Variants in PBX3 observed in about 807,000 individuals in gnomAD.
The protein encoded by PBX3 is pre-B-cell leukemia transcription factor 3.
A neutral mutation model predicts 48.5 loss-of-function variants in PBX3; 14 were observed. That is an observed-to-expected ratio of 0.29 (90% CI 0.19 to 0.45). The LOEUF (loss-of-function observed/expected upper bound fraction) is 0.45. Ranked by LOEUF, PBX3 falls within the 20% of genes least tolerant of loss-of-function variation. The pLI, the probability that PBX3 is intolerant of heterozygous loss-of-function variation, is 1.00. For synonymous variants in PBX3, 210 were observed against 200.3 expected (o/e 1.05, Z -0.41); for missense variants, 386 against 546.7 (o/e 0.71, Z 2.93).
chr9:125,757,560 G>A (rs950589391), intron 2 of PBX3, among the ~76,000 whole-genome samples: 51 of 151,964 alleles, frequency 3.4e-4, no homozygotes, highest in Admixed American at 2.7e-3. Flanking sequence ...AGTAATATTG[G>A]CATATTTTAT....
At chr9:125,854,987 T>C (rs1447905581) in intron 2 of PBX3, among the ~76,000 whole-genome samples, 1 of 152,200 alleles carries the variant, frequency 6.6e-6, no homozygotes, top group Admixed American at 6.5e-5. Flanking sequence ...ATAGTAGATA[T>C]TTTTATCATC....
chr9:125,805,621 T>C (rs1838104229), intron 2 of PBX3, among the ~76,000 whole-genome samples: 1 of 152,104 alleles, frequency 6.6e-6, no homozygotes, highest in Non-Finnish European at 1.5e-5. Flanking sequence ...TGTTTAGTAA[T>C]AGAACTTGGA....
intron 2 of PBX3, among the ~76,000 whole-genome samples, chr9:125,865,903 A>G (rs965255716): frequency 6.6e-6 from 1 of 152,180 alleles, no homozygotes; most frequent in Non-Finnish European, 1.5e-5. Context: ...GTAATGTGTC[A>G]GGACAAAGTG....
chr9:125,846,956 G>A lies in PBX3; in HGVS notation c.275-68730G>A, dbSNP rs551918909. Among the ~76,000 whole-genome samples the A allele has an allele frequency of 2.6e-5, 4 of 151,530 alleles. No individual in the cohort carries two copies. The South Asian group carries it at 6.2e-4, about 24-fold the overall frequency. On this transcript the variant is annotated intron_variant, in intron 2 of 8. Coordinates refer to ENST00000373489, the MANE Select transcript of PBX3 (RefSeq NM_006195.6). ...TTGAAAAAATTGGGTTGCTTGTCCTGTAAGTTCCCAGTCTGTATTTTGCTG... is the reference window on the plus strand; with the variant it reads ...TTGAAAAAATTGGGTTGCTTGTCCTATAAGTTCCCAGTCTGTATTTTGCTG...
intron 2 of PBX3, among the ~76,000 whole-genome samples, chr9:125,820,517 AT>A (rs1231799717): frequency 2.0e-5 from 3 of 152,364 alleles, no homozygotes; most frequent in African/African-American, 7.2e-5. Context: ...GCATTGAAGA[AT>A]TTCATATTGT....
At chr9:125,747,776 AG>A (rs1196134476) in intron 1 of PBX3, 123 bp downstream of exon 1, 1 of 699,236 alleles carries the variant, frequency 1.4e-6, no homozygotes, top group Non-Finnish European at 2.1e-6. Context: ...TTTCTCCGAA[AG>A]CCGGCCGCCC....
At chr9:125,834,937 A>C (rs2132206022) in intron 2 of PBX3, among the ~76,000 whole-genome samples, 1 of 141,266 alleles carries the variant, frequency 7.1e-6, no homozygotes, top group South Asian at 2.3e-4. Flanking sequence ...GAATCGCTTG[A>C]ATCTGGGAGG....
intron 2 of PBX3, among the ~76,000 whole-genome samples, chr9:125,778,540 A>T (rs1837141045): frequency 6.6e-6 from 1 of 151,484 alleles, no homozygotes; most frequent in Admixed American, 6.6e-5. Flanking sequence ...TACAGGCGTG[A>T]GCCACTGCGC....
chr9:125,815,469 T>C (rs1467391297), intron 2 of PBX3, among the ~76,000 whole-genome samples: 1 of 152,200 alleles, frequency 6.6e-6, no homozygotes, highest in African/African-American at 2.4e-5. Flanking sequence ...GTTTTGTTGT[T>C]GTATTATTTT....
chr9:125,933,915 A>G (rs1433621270), intron 4 of PBX3, among the ~76,000 whole-genome samples: 2 of 152,124 alleles, frequency 1.3e-5, no homozygotes, highest in Non-Finnish European at 2.9e-5. Flanking sequence ...TACCTCTTCA[A>G]TGTGCTCTCA....
intron 2 of PBX3, among the ~76,000 whole-genome samples, chr9:125,881,465 T>C (rs981480168): frequency 6.6e-6 from 1 of 152,220 alleles, no homozygotes; most frequent in Non-Finnish European, 1.5e-5. Flanking sequence ...TGGCAGAATT[T>C]AAAAACAATA....
rs1275827672 is a variant in PBX3, at chr9:125,923,697, C to G, written c.517-5958C>G. 3.3e-5 allele frequency among the ~76,000 whole-genome samples: 5 copies of G among 152,102 alleles called. No homozygotes were observed. In the South Asian group the frequency reaches 1.0e-3, roughly 32 times the overall value. On this transcript the variant is annotated intron_variant, in intron 3 of 8. Coordinates refer to ENST00000373489, the MANE Select transcript of PBX3 (RefSeq NM_006195.6). ...TCTCCTACCTCAGCCTCCTGAGTAG[C>G]TGGGACCACAGGTGTGCATCATTGT... is the stretch of plus-strand genomic sequence containing the variant.
At chr9:125,898,734 A>G (rs1371014891) in intron 2 of PBX3, among the ~76,000 whole-genome samples, 3 of 151,862 alleles carry the variant, frequency 2.0e-5, no homozygotes, top group African/African-American at 7.2e-5. Context: ...TGTTTTATAA[A>G]TTCGAGTTGT....
chr9:125,913,165 GC>G (rs1465106040), intron 2 of PBX3, among the ~76,000 whole-genome samples: 2 of 151,788 alleles, frequency 1.3e-5, no homozygotes, highest in East Asian at 1.9e-4. Context: ...TTGCCTATTT[GC>G]AAAGTACTTT....
intron 4 of PBX3, among the ~76,000 whole-genome samples, chr9:125,931,720 AACAG>A (rs1318062223): frequency 3.9e-5 from 6 of 152,226 alleles, no homozygotes; most frequent in Non-Finnish European, 8.8e-5. Flanking sequence ...TACTTGAGGA[AACAG>A]ACAGTAAACA....
At chr9:125,767,815 C>G (rs989436624) in intron 2 of PBX3, among the ~76,000 whole-genome samples, 1 of 152,156 alleles carries the variant, frequency 6.6e-6, no homozygotes, top group African/African-American at 2.4e-5. Context: ...TCTACAAACA[C>G]TCAGACCACC....
chr9:125,899,296 T>A (rs1462746130), intron 2 of PBX3, among the ~76,000 whole-genome samples: 8 of 117,666 alleles, frequency 6.8e-5, no homozygotes, highest in Non-Finnish European at 1.0e-4. Context: ...TATTTATATA[T>A]AAATATACAT....
intron 3 of PBX3, among the ~76,000 whole-genome samples, chr9:125,928,534 C>T (rs908276353): frequency 2.0e-5 from 3 of 151,168 alleles, no homozygotes; most frequent in African/African-American, 7.3e-5. Flanking sequence ...GGCGCGATCT[C>T]GGCTCACTGC....
Position 125,868,900 on chromosome 9 carries a change from A to G in PBX3, c.275-46786A>G, listed in dbSNP as rs572049802. On this transcript the variant is annotated intron_variant, in intron 2 of 8. Coordinates refer to ENST00000373489, the MANE Select transcript of PBX3 (RefSeq NM_006195.6). ...AAAACACAGGTGTCTAAAAATTCAC[A>G]CAGATGAATTTTTGAGGGCCACAGG... Among the ~76,000 whole-genome samples, 18 of 152,316 alleles carry G rather than the reference A, an allele frequency of 1.2e-4. No individual in the cohort carries two copies. The East Asian group carries it at 3.5e-3, about 29-fold the overall frequency.
Sources: gnomAD v4.1 joint callset for allele counts (sites outside exome capture counted in the v4.1 genomes callset) on GRCh38, gnomAD v4.1.1 for gene constraint, MANE v1.5 for transcripts, NCBI Gene and HGNC (gene_info 2026-07-23, HGNC 2026-07-21) for gene names.